TXNL4A: variants seen among roughly 807,000 people sequenced by gnomAD.
The protein encoded by TXNL4A is thioredoxin like 4A.
TXNL4A carries 17 observed loss-of-function variants against 14.6 expected under a neutral mutation model. That is an observed-to-expected ratio of 1.16 (90% CI 0.80 to 1.74). The LOEUF is 1.74. Ranked by LOEUF, TXNL4A falls within the 40% of genes most tolerant of loss-of-function variation. The pLI, the probability that TXNL4A is intolerant of heterozygous loss-of-function variation, is 0.00. For missense variants in TXNL4A, 74 were observed against 195.2 expected (o/e 0.38, Z 3.70); for synonymous variants, 83 against 70.6 (o/e 1.18, Z -0.88).
upstream of TXNL4A, among the ~76,000 whole-genome samples, chr18:79,991,872 C>T (rs1362484738): frequency 6.6e-6 from 1 of 152,122 alleles, no homozygotes; most frequent in Non-Finnish European, 1.5e-5. Context: ...CTCAGGAGGT[C>T]CTGATGATAT....
At position 80,011,121 on chromosome 18, in the gene TXNL4A, A is replaced by AG. The variant is rs1568378178; in HGVS notation, c.-61+22729dup. Among the ~76,000 whole-genome samples the AG allele has an allele frequency of 6.6e-6, 1 of 152,182 alleles. No individual in the cohort carries two copies. Among genetic ancestry groups the AG allele is most frequent in the African/African-American group, 2.4e-5 (1 of 41,440 alleles). The stretch of plus-strand genomic sequence containing the variant: ...TTGGTGCTTGTTAGCCCCTCGGGAA[A>AG]GGAAACAATTTGGGTTATATCATTG... On this transcript the variant is annotated intron_variant, in intron 1 of 2. Coordinates refer to the TXNL4A transcript ENST00000585474. The surrounding 1 kb of genome is among the most constrained non-coding windows in gnomAD (Gnocchi z 4.1).
At chr18:80,026,524 G>A (rs1054912389) in intron 1 of TXNL4A, among the ~76,000 whole-genome samples, 1 of 152,136 alleles carries the variant, frequency 6.6e-6, no homozygotes, top group Admixed American at 6.5e-5. Flanking sequence ...ATAACCATGA[G>A]CTGACAACTG....
upstream of TXNL4A, among the ~76,000 whole-genome samples, chr18:79,992,237 G>A (rs1335984715): frequency 6.6e-6 from 1 of 152,186 alleles, no homozygotes; most frequent in Admixed American, 6.5e-5. Context: ...AAAATGATAA[G>A]GTGGTTTTCA....
At chr18:80,013,913 C>T (rs578135621) in intron 1 of TXNL4A, among the ~76,000 whole-genome samples, 1 of 152,274 alleles carries the variant, frequency 6.6e-6, no homozygotes, top group East Asian at 1.9e-4. Flanking sequence ...GGGCAGATCT[C>T]AGAAACAGGG....
At chr18:80,015,826 G>A (rs1362440430) in intron 1 of TXNL4A, among the ~76,000 whole-genome samples, 1 of 147,172 alleles carries the variant, frequency 6.8e-6, no homozygotes, top group African/African-American at 2.6e-5. Context: ...AAACATATGT[G>A]TGCATGTGTC....
At chr18:80,029,626 C>T (rs1326466299) in intron 1 of TXNL4A, among the ~76,000 whole-genome samples, 3 of 152,280 alleles carry the variant, frequency 2.0e-5, no homozygotes, top group Middle Eastern at 3.4e-3. Context: ...TCCATTGTGC[C>T]TACCATCCCC....
chr18:80,021,919 G>C (rs1416243512), intron 1 of TXNL4A, among the ~76,000 whole-genome samples: 1 of 151,918 alleles, frequency 6.6e-6, no homozygotes, highest in Non-Finnish European at 1.5e-5. Flanking sequence ...GTTAACATTG[G>C]TTTTTAATAA....
At chr18:79,990,007 C>A (rs1037712053), upstream of TXNL4A, among the ~76,000 whole-genome samples, 2 of 152,118 alleles carry the variant, frequency 1.3e-5, no homozygotes, top group Non-Finnish European at 2.9e-5. Context: ...AAAACAACAA[C>A]AAATCACTAT....
At chr18:79,988,783 C>T (rs559707598), upstream of TXNL4A, among the ~76,000 whole-genome samples, 2 of 151,798 alleles carry the variant, frequency 1.3e-5, no homozygotes, top group African/African-American at 4.8e-5. Context: ...CCTGAGAAGC[C>T]CCGGGCTCGC....
intron 1 of TXNL4A, among the ~76,000 whole-genome samples, chr18:80,027,528 A>G (rs1264312794): frequency 6.6e-6 from 1 of 152,148 alleles, no homozygotes; most frequent in Non-Finnish European, 1.5e-5. Flanking sequence ...GTATTTGTTT[A>G]CCTTTACTTG....
intron 1 of TXNL4A, among the ~76,000 whole-genome samples, chr18:80,016,406 C>T (rs2051810739): frequency 6.6e-6 from 1 of 151,408 alleles, no homozygotes; most frequent in Admixed American, 6.6e-5. Flanking sequence ...GTTGCCATTG[C>T]TTTTGGTGTT....
intron 1 of TXNL4A, among the ~76,000 whole-genome samples, chr18:80,020,005 T>G (rs1201784241): frequency 6.6e-6 from 1 of 152,168 alleles, no homozygotes; most frequent in Non-Finnish European, 1.5e-5. Flanking sequence ...ACTCCCACAA[T>G]TCCCTTGTGT....
intron 1 of TXNL4A, among the ~76,000 whole-genome samples, chr18:80,004,129 TAAA>T (rs11306129): frequency 3.4e-5 from 5 of 145,552 alleles, no homozygotes; most frequent in African/African-American, 2.5e-5. Flanking sequence ...ATAAGCTACT[TAAA>T]AAAAAAAAAA....
chr18:79,984,621 TG>T, intron 1 of TXNL4A, among the ~76,000 whole-genome samples: 1 of 152,314 alleles, frequency 6.6e-6, no homozygotes, highest in East Asian at 1.9e-4. Context: ...GGAATTTTTT[TG>T]TTTTGTTTTT....
intron 1 of TXNL4A, among the ~76,000 whole-genome samples, chr18:80,029,680 T>C (rs1437282185): frequency 6.6e-6 from 1 of 152,116 alleles, no homozygotes; most frequent in Non-Finnish European, 1.5e-5. Context: ...TAAATTCACC[T>C]CCAGGCATTT....
At chr18:79,984,409 A>T (rs2051512015) in intron 1 of TXNL4A, among the ~76,000 whole-genome samples, 1 of 151,976 alleles carries the variant, frequency 6.6e-6, no homozygotes, top group Non-Finnish European at 1.5e-5. Context: ...GCCGGCCAAT[A>T]TGGCAAAACC....
chr18:80,010,512 G>T (rs1172516113), intron 1 of TXNL4A, among the ~76,000 whole-genome samples: 1 of 152,068 alleles, frequency 6.6e-6, no homozygotes, highest in Non-Finnish European at 1.5e-5. Flanking sequence ...ACAGAGGGCA[G>T]ACGTACAGTC....
upstream of TXNL4A, among the ~76,000 whole-genome samples, chr18:79,992,876 T>TTA (rs2051636723): frequency 1.3e-5 from 1 of 78,600 alleles, no homozygotes; most frequent in African/African-American, 4.7e-5. Flanking sequence ...TCATCTTATG[T>TTA]AAAAAAAAAA....
At chr18:80,007,083 C>T (rs1029896742) in intron 1 of TXNL4A, among the ~76,000 whole-genome samples, 13 of 152,196 alleles carry the variant, frequency 8.5e-5, no homozygotes, top group Admixed American at 3.3e-4. Flanking sequence ...GCTGGCTTAT[C>T]TGTGTCTGCA....
Sources: allele counts gnomAD v4.1 joint callset (sites outside exome capture counted in the v4.1 genomes callset), GRCh38; gene constraint gnomAD v4.1.1; non-coding constraint Gnocchi (gnomAD v3.1); transcripts MANE v1.5; gene names NCBI Gene and HGNC (gene_info 2026-07-23, HGNC 2026-07-21).